ABCA1: variants seen among roughly 807,000 people sequenced by gnomAD.
ABCA1 encodes ATP binding cassette subfamily A member 1.
In ABCA1, 133 loss-of-function variants were observed where a neutral mutation model predicts 262.5. That is an observed-to-expected ratio of 0.51 (90% CI 0.44 to 0.59). The LOEUF (loss-of-function observed/expected upper bound fraction) is 0.59, where lower values mean the gene tolerates loss of function less well. Ranked by LOEUF, ABCA1 falls within the 20% of genes least tolerant of loss-of-function variation. The pLI, the probability that ABCA1 is intolerant of heterozygous loss-of-function variation, is 0.00. For missense variants in ABCA1, 2,452 were observed against 2,777.5 expected, an observed-to-expected ratio of 0.88 and a Z score of 2.63; for synonymous variants, 1,022 against 1,043.5, an observed-to-expected ratio of 0.98 and a Z score of 0.40.
At chr9:104,847,626 G>A (rs1427589894) in intron 7 of ABCA1, among the ~76,000 whole-genome samples, 1 of 152,110 alleles carries the variant, frequency 6.6e-6, no homozygotes, top group Non-Finnish European at 1.5e-5. Context: ...TCCTTCCTCT[G>A]CTAGGCAGAG....
chr9:104,837,655 G>A (rs1833944096), intron 9 of ABCA1, 88 bp from the exon 10 acceptor site: 1 of 1,504,318 alleles, frequency 6.6e-7, no homozygotes, highest in African/African-American at 1.4e-5. Flanking sequence ...AGAGTTCTTA[G>A]TTGAAACCCC....
intron 5 of ABCA1, among the ~76,000 whole-genome samples, chr9:104,871,821 G>C (rs57353097): frequency 0.06 from 9,077 of 152,078 alleles, 319 homozygotes; most frequent in African/African-American, 0.11. Flanking sequence ...AAAGAAAAGA[G>C]AGTTTGAGGC....
intron 1 of ABCA1, among the ~76,000 whole-genome samples, chr9:104,909,654 A>ACACACACACACACACACACACACG (rs770801372): frequency 2.0e-5 from 3 of 146,508 alleles, no homozygotes; most frequent in African/African-American, 5.1e-5. Flanking sequence ...ACACACACAC[A>ACACACACACACACACACACACACG]TTCACAGGAA....
chr9:104,822,441 T>C, intron 19 of ABCA1, 55 bp downstream of exon 19: 1 of 1,607,098 alleles, frequency 6.2e-7, no homozygotes, highest in Non-Finnish European at 8.5e-7. Flanking sequence ...AATTTCTAAC[T>C]CTACTGCAGA....
chr9:104,803,507 C>CA (rs1183469389), intron 32 of ABCA1, among the ~76,000 whole-genome samples, 191 bp from the exon 33 acceptor site: 2 of 152,198 alleles, frequency 1.3e-5, no homozygotes, highest in Non-Finnish European at 2.9e-5. Flanking sequence ...TTCTCTCCAT[C>CA]ATAAATACCC....
intron 1 of ABCA1, among the ~76,000 whole-genome samples, chr9:104,918,550 A>G (rs142351245): frequency 4.6e-5 from 7 of 152,354 alleles, no homozygotes; most frequent in African/African-American, 1.7e-4. Flanking sequence ...CATTTGCTGA[A>G]CAAATAAATT....
chr9:104,911,422 C>A lies in ABCA1; in HGVS notation c.-92-7651G>T, dbSNP rs1466932143. On this transcript the variant is annotated intron_variant, in intron 1 of 49. Transcript: ENST00000374736. The stretch of plus-strand genomic sequence containing the variant: ...TTCAGGGACAAGCCTAACAAGGTTA[C>A]TGAAGGCCAAGACACCTGGAAAGAA... Among the ~76,000 whole-genome samples, 9 of 152,212 alleles carry A rather than the reference C, an allele frequency of 5.9e-5. No individual in the cohort carries two copies. In the East Asian group the frequency reaches 1.2e-3, roughly 20 times the overall value.
intron 1 of ABCA1, among the ~76,000 whole-genome samples, chr9:104,915,262 T>C (rs1379885244): frequency 3.3e-5 from 5 of 152,236 alleles, no homozygotes; most frequent in Admixed American, 3.3e-4. Context: ...ATGTCATGTG[T>C]GCAAGACACT....
intron 8 of ABCA1, among the ~76,000 whole-genome samples, chr9:104,844,974 T>C (rs1196906368): frequency 6.6e-6 from 1 of 152,238 alleles, no homozygotes; most frequent in Non-Finnish European, 1.5e-5. Flanking sequence ...CTCAACTTAA[T>C]GTTCATTAAG....
Position 104,825,269 on chromosome 9 carries a change from G to A in ABCA1, c.2542+414C>T, listed in dbSNP as rs181451161. Among the ~76,000 whole-genome samples the A allele has an allele frequency of 8.5e-5, 13 of 152,286 alleles. No individual in the cohort carries two copies. In the East Asian group the frequency reaches 1.7e-3, roughly 20 times the overall value. On this transcript the variant is annotated intron_variant, in intron 17 of 49. Coordinates refer to ENST00000374736, the MANE Select transcript of ABCA1 (RefSeq NM_005502.4). ...AATTGGGTGAGCATTGGGAGGATTC[G>A]CCTGGGCTTATTGACCCAGTGTAAC...
chr9:104,878,548 G>C (rs1838345456), intron 5 of ABCA1, among the ~76,000 whole-genome samples: 1 of 152,162 alleles, frequency 6.6e-6, no homozygotes, highest in South Asian at 2.1e-4. Flanking sequence ...CTGTGGTTGT[G>C]TAGACTTGGG....
intron 2 of ABCA1, among the ~76,000 whole-genome samples, chr9:104,891,096 T>C (rs1057262084): frequency 5.3e-5 from 8 of 152,250 alleles, no homozygotes; most frequent in Admixed American, 3.9e-4. Context: ...GTCTACTTGA[T>C]ATTCCACTCT....
In ABCA1 at chr9:104,882,270, C is replaced by T. The variant is rs79252500; in HGVS notation, c.421+769G>A. Reference sequence around the variant, plus strand: ...CACTGACATTGTTTAGAACCACCGGCGCATGATAATAATAAAATGCAGACC... The same window carrying T: ...CACTGACATTGTTTAGAACCACCGGTGCATGATAATAATAAAATGCAGACC... On this transcript the variant is annotated intron_variant, in intron 5 of 49. Transcript: ENST00000374736. 7.4e-3 allele frequency among the ~76,000 whole-genome samples: 1,120 copies of T among 152,222 alleles called. 7 individuals carry two copies. The highest frequency in any genetic ancestry group is 0.025 in the African/African-American group (1,030 of 41,534).
intron 4 of ABCA1, 139 bp from the exon 5 acceptor site, chr9:104,883,296 G>T: frequency 1.3e-6 from 1 of 746,688 alleles, no homozygotes; most frequent in Non-Finnish European, 2.4e-6. Flanking sequence ...CACTCCCATG[G>T]CTCCCCACAC....
chr9:104,852,647 C>T (rs945294965), intron 7 of ABCA1, among the ~76,000 whole-genome samples: 1 of 152,102 alleles, frequency 6.6e-6, no homozygotes, highest in Non-Finnish European at 1.5e-5. Context: ...CTTCTTTTCC[C>T]ATAAGAATGA....
At chr9:104,822,801 G>A in intron 18 of ABCA1, 134 bp from the exon 19 acceptor site, 1 of 1,002,000 alleles carries the variant, frequency 1.0e-6, no homozygotes, top group South Asian at 1.3e-5. Context: ...AGGCAGGCAG[G>A]AGGCTATAAA....
intron 5 of ABCA1, among the ~76,000 whole-genome samples, chr9:104,862,639 CG>C (rs1379099383): frequency 0.34 from 1,771 of 5,234 alleles, 335 homozygotes; most frequent in African/African-American, 0.48. Flanking sequence ...ACTGCCGGGC[CG>C]GGCCGGGCCG....
At chr9:104,895,768 T>A (rs1367501408) in intron 2 of ABCA1, among the ~76,000 whole-genome samples, 1 of 152,084 alleles carries the variant, frequency 6.6e-6, no homozygotes, top group African/African-American at 2.4e-5. Context: ...TAGACCACAA[T>A]CCAGTCACTC....
Position 104,828,898 on chromosome 9 carries a change from C to T in ABCA1, c.2115+18G>A, listed in dbSNP as rs780152615. The T allele has an allele frequency of 5.0e-6, 8 of 1,612,360 alleles. No homozygotes were observed. The highest frequency in any genetic ancestry group is 4.5e-5 in the East Asian group (2 of 44,834). ...TTCGGAGTTTCCTGGCAGGGAAGAGCGAGTGAGGCTGCCTTACCTTCAGGA... is the reference window on the plus strand; with the variant it reads ...TTCGGAGTTTCCTGGCAGGGAAGAGTGAGTGAGGCTGCCTTACCTTCAGGA... On this transcript the variant is annotated intron_variant, in intron 15 of 49. Coordinates refer to ENST00000374736, the MANE Select transcript of ABCA1 (RefSeq NM_005502.4).
Sources: allele counts gnomAD v4.1 joint callset (sites outside exome capture counted in the v4.1 genomes callset), GRCh38; gene constraint gnomAD v4.1.1; transcripts MANE v1.5; gene names NCBI Gene and HGNC (gene_info 2026-07-23, HGNC 2026-07-21).